SBF2: variants seen among roughly 807,000 people sequenced by gnomAD.
The protein encoded by SBF2 is SET binding factor 2, also known as myotubularin-related protein 13.
A neutral mutation model predicts 225.2 loss-of-function variants in SBF2; 112 were observed. The ratio of observed to expected loss-of-function variants is 0.50; its 90% CI spans 0.43 to 0.58. The LOEUF is 0.58. Among genes scored for constraint, SBF2 ranks in the 20% least tolerant of loss-of-function variants. SBF2 has a pLI of 0.00. For synonymous variants in SBF2, 763 were observed against 773.3 expected (o/e 0.99, Z 0.22); for missense variants, 1,996 against 2,206.2 (o/e 0.90, Z 1.91).
chr11:10,283,359 G>A (rs1015108308), intron 1 of SBF2, among the ~76,000 whole-genome samples: 14 of 152,074 alleles, frequency 9.2e-5, no homozygotes, highest in Middle Eastern at 3.4e-3. Flanking sequence ...TATTACAATG[G>A]TTTAACAATA....
intron 1 of SBF2, among the ~76,000 whole-genome samples, chr11:10,217,870 A>G (rs1245718419): frequency 6.6e-6 from 1 of 152,164 alleles, no homozygotes; most frequent in Non-Finnish European, 1.5e-5. Context: ...CCTCACAATC[A>G]TGGTGGAAGG....
At position 9,962,013 on chromosome 11, in the gene SBF2, T is replaced by G; in HGVS notation, c.1804A>C (p.Ile602Leu). 1 of 1,614,144 alleles carries G rather than the reference T, an allele frequency of 6.2e-7. No individual in the cohort carries two copies. The highest frequency in any genetic ancestry group is 8.5e-7 in the Non-Finnish European group (1 of 1,179,976). Residue 602 changes from isoleucine (I) to leucine (L), a missense_variant, in exon 16 of 40, where the codon ATA becomes CTA. Coordinates refer to ENST00000256190, the MANE Select transcript of SBF2 (RefSeq NM_030962.4). ...LGLHVQQNRA[I>L]LDHQQFDYII... ...TAGTCAAACTGTTGATGGTCTAATA[T>G]TGCCCGGTTTTGCTGGACATGCAAA...
intron 1 of SBF2, among the ~76,000 whole-genome samples, chr11:10,270,885 C>T (rs1962424562): frequency 6.6e-6 from 1 of 150,682 alleles, no homozygotes; most frequent in African/African-American, 2.4e-5. Flanking sequence ...GTCCCAGCTA[C>T]TGGGGAGGCT....
At chr11:10,214,269 C>T (rs1958045143) in intron 1 of SBF2, among the ~76,000 whole-genome samples, 1 of 152,134 alleles carries the variant, frequency 6.6e-6, no homozygotes, top group Non-Finnish European at 1.5e-5. Flanking sequence ...CTAAATACGC[C>T]TTGGAGAGCA....
intron 1 of SBF2, among the ~76,000 whole-genome samples, chr11:10,221,149 G>A (rs548424730): frequency 2.9e-5 from 4 of 139,654 alleles, no homozygotes; most frequent in South Asian, 4.5e-4. Context: ...ATTGAGACTC[G>A]CTCTGTTGCC....
chr11:10,123,199 G>A (rs777285347), intron 2 of SBF2, among the ~76,000 whole-genome samples: 1 of 152,140 alleles, frequency 6.6e-6, no homozygotes, highest in Admixed American at 6.6e-5. Context: ...ATCCATGTAT[G>A]CTCATCTTTG....
intron 2 of SBF2, among the ~76,000 whole-genome samples, chr11:10,106,644 A>C (rs1437129158): frequency 4.6e-5 from 7 of 151,414 alleles, no homozygotes; most frequent in African/African-American, 1.5e-4. Flanking sequence ...AAAAAAAAAA[A>C]AAAAACCCAC....
intron 2 of SBF2, among the ~76,000 whole-genome samples, chr11:10,111,732 C>T (rs138185510): frequency 0.013 from 2,029 of 152,308 alleles, 25 homozygotes; most frequent in Middle Eastern, 0.034. Context: ...GAAAAATTAG[C>T]TGGGCGCGGT....
At chr11:9,999,836 T>G (rs1486873570) in intron 8 of SBF2, among the ~76,000 whole-genome samples, 1 of 152,354 alleles carries the variant, frequency 6.6e-6, no homozygotes, top group South Asian at 2.1e-4. Context: ...ATTATAATGT[T>G]AAATAATATT....
rs1956888084 is a variant in SBF2 at position 10,185,175 on chromosome 11, GA to G, written c.141+8726del. ...TCACTTGTCTATTCATCTGTCTATG[GA>G]CATTCAGGTTGCTTCCACCATTTGA... On this transcript the variant is annotated intron_variant, in intron 2 of 39. Coordinates refer to ENST00000256190, the MANE Select transcript of SBF2 (RefSeq NM_030962.4). Among the ~76,000 whole-genome samples the G allele has an allele frequency of 2.0e-5, 3 of 152,152 alleles. No homozygotes were observed. The South Asian group carries it at 6.2e-4, about 32-fold the overall frequency.
chr11:9,963,566 T>C (rs2134368547), intron 15 of SBF2, among the ~76,000 whole-genome samples: 1 of 152,370 alleles, frequency 6.6e-6, no homozygotes, highest in East Asian at 1.9e-4. Context: ...AAAATTACTA[T>C]GAATATATTT....
intron 2 of SBF2, among the ~76,000 whole-genome samples, chr11:10,158,442 C>T (rs182763111): frequency 3.3e-5 from 5 of 151,894 alleles, no homozygotes; most frequent in African/African-American, 1.2e-4. Context: ...TTTAGCCAGA[C>T]TAGGAAAAGA....
chr11:10,277,798 T>C (rs1033502266), intron 1 of SBF2, among the ~76,000 whole-genome samples: 16 of 152,188 alleles, frequency 1.1e-4, no homozygotes, highest in Admixed American at 2.0e-4. Context: ...AAGGAGCCCC[T>C]GGGGCCACCA....
At chr11:9,826,759 G>GTGTGTA (rs2133927365) in intron 28 of SBF2, among the ~76,000 whole-genome samples, 1 of 151,640 alleles carries the variant, frequency 6.6e-6, no homozygotes, top group East Asian at 1.9e-4. Flanking sequence ...GTATGTGTGT[G>GTGTGTA]TGTGTATGTA....
intron 2 of SBF2, among the ~76,000 whole-genome samples, chr11:10,086,217 G>A (rs1951559459): frequency 6.6e-6 from 1 of 151,852 alleles, no homozygotes; most frequent in Non-Finnish European, 1.5e-5. Context: ...ACTCGGCCCT[G>A]CCTTTTTTAT....
rs924914187 is a variant in SBF2 at position 10,303,925 on chromosome 11, G to A, written n.386+567C>T. Among the ~76,000 whole-genome samples the A allele has an allele frequency of 6.6e-6, 1 of 152,132 alleles. No homozygotes were observed. The highest frequency in any genetic ancestry group is 1.5e-5 in the Non-Finnish European group (1 of 68,030). ...CATCATGAACAGGCACAAATTCTTT[G>A]GGCGGGGGCTAGGACTCTCCTTTGC... is the stretch of plus-strand genomic sequence containing the variant. On this transcript the variant is annotated intron_variant and non_coding_transcript_variant, in intron 1 of 5. Transcript: ENST00000685217. The surrounding 1 kb of genome is among the most constrained non-coding windows in gnomAD (Gnocchi z 5.2).
At chr11:10,160,950 G>A (rs1445257638) in intron 2 of SBF2, among the ~76,000 whole-genome samples, 1 of 152,052 alleles carries the variant, frequency 6.6e-6, no homozygotes, top group East Asian at 1.9e-4. Context: ...ACTTTGGGAG[G>A]CCAAGATGGG....
intron 26 of SBF2, chr11:9,839,094 A>G (rs1192245821): frequency 3.5e-6 from 1 of 287,116 alleles, no homozygotes; most frequent in Non-Finnish European, 6.7e-6. Context: ...AAGAGACTCT[A>G]TGGCTCATAA....
chr11:10,028,827 G>A (rs531611916), intron 5 of SBF2, among the ~76,000 whole-genome samples: 1 of 152,212 alleles, frequency 6.6e-6, no homozygotes, highest in African/African-American at 2.4e-5. Flanking sequence ...ATAATGAAAT[G>A]TTAAAGTCAA....
Sources: gnomAD v4.1 joint callset for allele counts (sites outside exome capture counted in the v4.1 genomes callset) on GRCh38, gnomAD v4.1.1 for gene constraint, Gnocchi (gnomAD v3.1) non-coding constraint, MANE v1.5 for transcripts, NCBI Gene and HGNC (gene_info 2026-07-23, HGNC 2026-07-21) for gene names.